The following DDX6 variants were observed in gnomAD, a reference collection of about 807,000 sequenced individuals.
DDX6 encodes the protein probable ATP-dependent RNA helicase DDX6.
In DDX6, 7 loss-of-function variants were observed where a neutral mutation model predicts 60.6. The observed-to-expected ratio is 0.12, with a 90% CI of 0.07 to 0.22. DDX6 has a LOEUF of 0.22. DDX6 is among the 10% of genes least tolerant of loss of function. The pLI is 1.00. For missense variants in DDX6, 270 were observed against 589.9 expected (o/e 0.46, Z 5.62); for synonymous variants, 207 against 201.0 (o/e 1.03, Z -0.25).
chr11:118,773,854 A>AAC (rs1277137414), intron 4 of DDX6, among the ~76,000 whole-genome samples: 1 of 148,340 alleles, frequency 6.7e-6, no homozygotes, highest in Non-Finnish European at 1.5e-5. Flanking sequence ...AACAAAACAA[A>AAC]ACACACACCA....
chr11:118,784,178 G>GT (rs1861998084), intron 2 of DDX6, among the ~76,000 whole-genome samples: 1 of 151,336 alleles, frequency 6.6e-6, no homozygotes. Context: ...TACAACTGAA[G>GT]TAGTATTCAT....
intron 9 of DDX6, among the ~76,000 whole-genome samples, chr11:118,758,284 GT>G (rs1861045420): frequency 2.6e-5 from 4 of 152,158 alleles, no homozygotes; most frequent in Non-Finnish European, 5.9e-5. Context: ...ATTCAAAAGT[GT>G]ATCTGTGACT....
At position 118,759,977 on chromosome 11, in the gene DDX6, T is replaced by A; in HGVS notation, c.809A>T (p.Asn270Ile). The change falls in exon 8 of 14, where the codon AAC (asparagine) becomes ATC (isoleucine). Residue 270 changes from asparagine (N) to isoleucine (I), a missense_variant. Physicochemically the swap from Asn to Ile is moderately radical, Grantham distance 149 (BLOSUM62 -3). Coordinates refer to ENST00000534980, the MANE Select transcript of DDX6 (RefSeq NM_004397.6). ...MEDIILTLPK[N>I]RQILLYSATF... Reference sequence around the variant, plus strand: ...AGCGGAATATAGTAAAATCTGCCTGTTTTTAGGTAGCGTGAGAATAATATC... The same window carrying A: ...AGCGGAATATAGTAAAATCTGCCTGATTTTAGGTAGCGTGAGAATAATATC... 2 of 1,613,654 alleles carry A rather than the reference T, an allele frequency of 1.2e-6. No homozygotes were observed. Among genetic ancestry groups the A allele is most frequent in the Non-Finnish European group, 1.7e-6 (2 of 1,179,728 alleles).
At chr11:118,776,045 G>A (rs1279976229) in intron 4 of DDX6, among the ~76,000 whole-genome samples, 1 of 152,118 alleles carries the variant, frequency 6.6e-6, no homozygotes, top group Non-Finnish European at 1.5e-5. Flanking sequence ...TCAGGAGGCT[G>A]GGGCAGGAGT....
intron 4 of DDX6, among the ~76,000 whole-genome samples, chr11:118,773,870 A>AC (rs1447962294): frequency 2.6e-5 from 4 of 152,022 alleles, no homozygotes; most frequent in Non-Finnish European, 4.4e-5. Context: ...CACCAAAAAA[A>AC]AAAACAAAAC....
At chr11:118,764,821 T>TACACTCACACACAC (rs1861296350) in intron 6 of DDX6, among the ~76,000 whole-genome samples, 25 of 139,034 alleles carry the variant, frequency 1.8e-4, no homozygotes, top group African/African-American at 6.9e-4. Context: ...AAAAAAAATA[T>TACACTCACACACAC]ACACACACAC....
At chr11:118,787,934 A>T (rs1285332415) in intron 1 of DDX6, 1 of 152,090 alleles carries the variant, frequency 6.6e-6, no homozygotes, top group Non-Finnish European at 1.5e-5. Context: ...AAATCCGCGG[A>T]AGACTAAACA....
At chr11:118,770,505 C>T (rs1009724403) in intron 4 of DDX6, among the ~76,000 whole-genome samples, 5 of 152,104 alleles carry the variant, frequency 3.3e-5, no homozygotes, top group African/African-American at 7.2e-5. Context: ...CCATCTCCCA[C>T]GACAACACTC....
chr11:118,754,921 A>C (rs782373276), intron 12 of DDX6, 34 bp from the exon 13 acceptor site: 75 of 1,539,270 alleles, frequency 4.9e-5, no homozygotes, highest in Non-Finnish European at 6.3e-5. Flanking sequence ...TTTAATGAAT[A>C]AAATATGAAA....
intron 4 of DDX6, among the ~76,000 whole-genome samples, chr11:118,772,882 C>T (rs1328739458): frequency 6.6e-6 from 1 of 152,148 alleles, no homozygotes; most frequent in Non-Finnish European, 1.5e-5. Context: ...CAAGCCTCAC[C>T]AATTTTCTAA....
At chr11:118,787,708 A>T (rs1042778020) in intron 1 of DDX6, 1 of 152,140 alleles carries the variant, frequency 6.6e-6, no homozygotes, top group East Asian at 1.9e-4. Flanking sequence ...ACAATAAATG[A>T]AGCAGTCAAG....
In DDX6 at chr11:118,779,664, C is replaced by T; in HGVS notation, c.337G>A (p.Glu113Lys). 1 of 1,611,816 alleles carries T rather than the reference C, an allele frequency of 6.2e-7. No homozygotes were observed. The highest frequency in any genetic ancestry group is 8.5e-7 in the Non-Finnish European group (1 of 1,178,918). The change falls in exon 4 of 14, where the codon GAA (glutamate) becomes AAA (lysine). Residue 113 changes from glutamate (E) to lysine (K), a missense_variant. Coordinates refer to ENST00000534980, the MANE Select transcript of DDX6 (RefSeq NM_004397.6). ...GGAGATGGCTTTTCCCAGCCCATTTCAAAAATTCCCATCAGTAACTCCCGT... is the reference window on the plus strand; with the variant it reads ...GGAGATGGCTTTTCCCAGCCCATTTTAAAAATTCCCATCAGTAACTCCCGT... ...LKRELLMGIF[E>K]MGWEKPSPIQ...
intron 1 of DDX6, chr11:118,789,871 T>G (rs543739479): frequency 6.6e-6 from 1 of 152,316 alleles, no homozygotes; most frequent in Non-Finnish European, 1.5e-5. Context: ...GAAGGAAATA[T>G]TCCTCCTACC....
chr11:118,755,928 G>C (rs1363340489), intron 11 of DDX6, among the ~76,000 whole-genome samples: 1 of 150,682 alleles, frequency 6.6e-6, no homozygotes, highest in Admixed American at 6.6e-5. Context: ...TGAGGCAGGA[G>C]AATCACTTGA....
chr11:118,777,388 A>G (rs1485795097), intron 4 of DDX6, among the ~76,000 whole-genome samples: 1 of 152,116 alleles, frequency 6.6e-6, no homozygotes, highest in Non-Finnish European at 1.5e-5. Context: ...ATGTACGTGT[A>G]TATTTATGTG....
intron 2 of DDX6, among the ~76,000 whole-genome samples, chr11:118,785,638 C>G (rs1427123331): frequency 1.3e-5 from 2 of 151,960 alleles, no homozygotes; most frequent in African/African-American, 2.4e-5. Flanking sequence ...AAGACTCAGA[C>G]TGAGTCTTTA....
At chr11:118,766,301 G>A (rs1362593099) in intron 5 of DDX6, among the ~76,000 whole-genome samples, 1 of 151,486 alleles carries the variant, frequency 6.6e-6, no homozygotes. Flanking sequence ...GGGAATGGTG[G>A]CATGTGCCTA....
intron 7 of DDX6, among the ~76,000 whole-genome samples, chr11:118,762,550 T>G (rs1555160478): frequency 6.6e-6 from 1 of 152,132 alleles, no homozygotes; most frequent in African/African-American, 2.4e-5. Flanking sequence ...CTGTCTGCCC[T>G]CAATCATCAT....
At chr11:118,788,595 G>C (rs559945346) in intron 1 of DDX6, 1 of 152,200 alleles carries the variant, frequency 6.6e-6, no homozygotes, top group African/African-American at 2.4e-5. Context: ...ACGGGGTTTC[G>C]ACATGTTGGC....
Sources: allele counts gnomAD v4.1 joint callset (sites outside exome capture counted in the v4.1 genomes callset), GRCh38; gene constraint gnomAD v4.1.1; transcripts MANE v1.5; gene names NCBI Gene and HGNC (gene_info 2026-07-23, HGNC 2026-07-21).